Variants in ZRANB1 observed in about 807,000 individuals in gnomAD.
The protein encoded by ZRANB1 is ubiquitin thioesterase ZRANB1.
ZRANB1 carries 16 observed loss-of-function variants against 80.5 expected under a neutral mutation model. That is an observed-to-expected ratio of 0.20 (90% CI 0.13 to 0.30). The LOEUF (loss-of-function observed/expected upper bound fraction) is 0.30, where lower values mean the gene tolerates loss of function less well. ZRANB1 is among the 10% of genes least tolerant of loss of function. ZRANB1 has a pLI of 1.00. For synonymous variants in ZRANB1, 291 were observed against 293.1 expected (o/e 0.99, Z 0.07); for missense variants, 576 against 862.6 (o/e 0.67, Z 4.16).
rs1951549824 is a variant in ZRANB1 at position 124,942,983 on chromosome 10, G to A, written c.490G>A (p.Ala164Thr). 3 of 1,614,082 alleles carry A rather than the reference G, an allele frequency of 1.9e-6. No individual in the cohort carries two copies. The highest frequency in any genetic ancestry group is 1.7e-5 in the Admixed American group (1 of 60,014). ...CTCTGTTTGCACATATGAAAACTGGGCCAAGGCTAAAAGATGTGTTGTTTG... is the reference window on the plus strand; with the variant it reads ...CTCTGTTTGCACATATGAAAACTGGACCAAGGCTAAAAGATGTGTTGTTTG... The part of the protein sequence containing the change: ...TCSVCTYENW[A>T]KAKRCVVCDH... Residue 164 changes from alanine to threonine, a missense_variant, in exon 1 of 9, where the codon GCC becomes ACC. By Grantham distance (58) the Ala-to-Thr change is moderately conservative. Transcript: ENST00000359653.
chr10:124,918,947 G>A, the ZRANB1 span, among the ~76,000 whole-genome samples: 1 of 152,070 alleles, frequency 6.6e-6, no homozygotes, highest in Admixed American at 6.6e-5. Flanking sequence ...TATTTCTGTT[G>A]CTGTTTCGAT....
intron 5 of ZRANB1, among the ~76,000 whole-genome samples, chr10:124,978,687 G>A (rs1401335929): frequency 6.6e-6 from 1 of 152,054 alleles, no homozygotes; most frequent in East Asian, 1.9e-4. Flanking sequence ...GTGCAGTGGT[G>A]CGATCTTGGC....
chr10:124,954,194 C>T (rs1452839482), intron 1 of ZRANB1, among the ~76,000 whole-genome samples: 3 of 132,016 alleles, frequency 2.3e-5, no homozygotes, highest in East Asian at 2.0e-4. Context: ...CCATGTTGCC[C>T]AGGCTGGTCT....
chr10:124,963,100 T>C (rs1320253133), intron 1 of ZRANB1, among the ~76,000 whole-genome samples: 3 of 152,020 alleles, frequency 2.0e-5, no homozygotes, highest in Non-Finnish European at 4.4e-5. Context: ...ACCCCGTCTC[T>C]ACTAAAAATA....
Position 124,986,680 on chromosome 10 carries a change from A to G in ZRANB1, c.*1688A>G, listed in dbSNP as rs1361795439. 2.0e-5 allele frequency: 3 copies of G among 152,318 alleles called. No individual in the cohort carries two copies. The highest frequency in any genetic ancestry group is 1.9e-4 in the East Asian group (1 of 5,192). The allele number at this position is 152,318 out of a possible 1,614,324, so 9.4% of individuals were successfully genotyped here. On this transcript the variant is annotated 3_prime_UTR_variant, in exon 9 of 9. Transcript: ENST00000359653. ...TGGCTGTTTGCTTTCATTTTGGCCAATAAGTAATCAAGTTTGTAGAAAATG... is the reference window on the plus strand; with the variant it reads ...TGGCTGTTTGCTTTCATTTTGGCCAGTAAGTAATCAAGTTTGTAGAAAATG...
At chr10:124,935,386 T>C in the ZRANB1 span, among the ~76,000 whole-genome samples, 2 of 152,226 alleles carry the variant, frequency 1.3e-5, no homozygotes, top group African/African-American at 4.8e-5. Context: ...CACATTTGCT[T>C]TCTTTAAATT....
At chr10:124,933,138 C>T in the ZRANB1 span, among the ~76,000 whole-genome samples, 51 of 132,684 alleles carry the variant, frequency 3.8e-4, no homozygotes, top group Admixed American at 3.7e-3. Flanking sequence ...TCTTTTCTTT[C>T]TTTTTTTTTT....
At chr10:124,948,958 C>CT (rs1255293200) in intron 1 of ZRANB1, among the ~76,000 whole-genome samples, 31 of 152,240 alleles carry the variant, frequency 2.0e-4, no homozygotes, top group African/African-American at 7.5e-4. Flanking sequence ...TCCTAGCTCT[C>CT]TATGTTTTTC....
In ZRANB1 at chr10:124,981,705, T is replaced by A; in HGVS notation, c.1428-4T>A. ...TTTATTTTTTTACTATCCTGCTTTTTTAGGTTTTACACACGCTGGAAAGAT... is the reference window on the plus strand; with the variant it reads ...TTTATTTTTTTACTATCCTGCTTTTATAGGTTTTACACACGCTGGAAAGAT... On this transcript the variant is annotated splice_region_variant and splice_polypyrimidine_tract_variant and intron_variant, in intron 5 of 8. Coordinates refer to ENST00000359653, the MANE Select transcript of ZRANB1 (RefSeq NM_017580.3). The A allele has an allele frequency of 1.3e-6, 2 of 1,596,336 alleles. No individual in the cohort carries two copies. Among genetic ancestry groups the A allele is most frequent in the South Asian group, 2.3e-5 (2 of 86,442 alleles).
At chr10:124,953,574 G>T (rs1211888342) in intron 1 of ZRANB1, among the ~76,000 whole-genome samples, 3 of 152,190 alleles carry the variant, frequency 2.0e-5, no homozygotes, top group Admixed American at 2.0e-4. Flanking sequence ...GCATTCCATG[G>T]TTAGGTTACA....
At chr10:124,966,829 G>C (rs1389357103) in intron 2 of ZRANB1, 48 bp downstream of exon 2, 1 of 1,475,472 alleles carries the variant, frequency 6.8e-7, no homozygotes, top group East Asian at 2.3e-5. Flanking sequence ...AAAGAAACCT[G>C]TTCTTTAGTT....
intron 1 of ZRANB1, among the ~76,000 whole-genome samples, chr10:124,956,625 C>G (rs1478541436): frequency 1.3e-5 from 2 of 152,138 alleles, no homozygotes. Flanking sequence ...AGCTCGCCAC[C>G]ACGCCCAGCT....
the ZRANB1 span, among the ~76,000 whole-genome samples, chr10:124,918,971 G>C: frequency 6.6e-6 from 1 of 152,114 alleles, no homozygotes; most frequent in Non-Finnish European, 1.5e-5. Context: ...TTTTATTAAT[G>C]CCTCAGAGCA....
intron 5 of ZRANB1, 72 bp downstream of exon 5, chr10:124,974,470 ACTTTTTAT>A: frequency 6.8e-7 from 1 of 1,473,420 alleles, no homozygotes; most frequent in South Asian, 1.2e-5. Context: ...GTGGTGGGAT[ACTTTTTAT>A]GTCAGTTATA....
chr10:124,949,449 GTA>G (rs57300951), intron 1 of ZRANB1, among the ~76,000 whole-genome samples: 3,937 of 147,246 alleles, frequency 0.027, 155 homozygotes, highest in African/African-American at 0.092. Context: ...ACACACATAT[GTA>G]TATATATATG....
At chr10:124,965,514 A>C (rs2134280371) in intron 1 of ZRANB1, among the ~76,000 whole-genome samples, 1 of 152,280 alleles carries the variant, frequency 6.6e-6, no homozygotes, top group African/African-American at 2.4e-5. Flanking sequence ...ATGGTAGAAA[A>C]TTGTTGCATT....
Position 124,942,262 on chromosome 10 carries a change from A to AT in ZRANB1, c.-226dup, listed in dbSNP as rs571464883. 6.0e-4 allele frequency: 821 copies of AT among 1,358,148 alleles called. 2 individuals are homozygous for AT. The African/African-American group carries it at 9.7e-3, about 16-fold the overall frequency. 84.1% of individuals were successfully genotyped at this position (1,358,148 alleles called of 1,614,324 possible). ...GTTTTATTAAATCCCAGGGTCTAAG[A>AT]TTTTTTCTTTGAGAATTTATCTCCA... On this transcript the variant is annotated 5_prime_UTR_variant, in exon 1 of 9. Coordinates refer to ENST00000359653, the MANE Select transcript of ZRANB1 (RefSeq NM_017580.3).
rs1951549343 is a variant in ZRANB1 at position 124,942,941 on chromosome 10, A to C, written c.448A>C (p.Thr150Pro). 1 of 1,614,118 alleles carries C rather than the reference A, an allele frequency of 6.2e-7. No individual in the cohort carries two copies. The highest frequency in any genetic ancestry group is 1.3e-5 in the African/African-American group (1 of 74,932). The change falls in exon 1 of 9, where the codon ACA becomes CCA. Residue 150 changes from threonine to proline, a missense_variant. Transcript: ENST00000359653. ...TGATAGAAATAAACTGAACACTAGG[A>C]CACAGCACTGGACTTGCTCTGTTTG... ...YNDRNKLNTR[T>P]QHWTCSVCTY...
rs1199169470 is a variant in ZRANB1 at position 124,987,909 on chromosome 10, A to ACT, written c.*2919_*2920dup. Reference sequence around the variant, plus strand: ...GAAGATCCATTAAATCAAGCTCTTAACTCATGGGACTATTTGCAACACTTC... The same window carrying ACT: ...GAAGATCCATTAAATCAAGCTCTTAACTCTCATGGGACTATTTGCAACACTTC... On this transcript the variant is annotated 3_prime_UTR_variant, in exon 9 of 9. Transcript: ENST00000359653. The ACT allele has an allele frequency of 3.3e-5, 5 of 152,366 alleles. No homozygotes were observed. Among genetic ancestry groups the ACT allele is most frequent in the Non-Finnish European group, 7.3e-5 (5 of 68,028 alleles). The allele number at this position is 152,366 out of a possible 1,614,324, so 9.4% of individuals were successfully genotyped here. A position where few individuals can be genotyped will look rare whatever the true frequency, so the allele number is the denominator to read the frequency against.
Sources: gnomAD v4.1 joint callset for allele counts (sites outside exome capture counted in the v4.1 genomes callset) on GRCh38, gnomAD v4.1.1 for gene constraint, MANE v1.5 for transcripts, NCBI Gene and HGNC (gene_info 2026-07-23, HGNC 2026-07-21) for gene names.